EFCAB6: variants seen among roughly 807,000 people sequenced by gnomAD.
The protein encoded by EFCAB6 is EF-hand calcium binding domain 6, also known as EF-hand calcium-binding domain-containing protein 6.
EFCAB6 carries 156 observed loss-of-function variants against 169.8 expected under a neutral mutation model. That is an observed-to-expected ratio of 0.92 (90% CI 0.81 to 1.05). EFCAB6 has a LOEUF of 1.05. Among genes scored for constraint, EFCAB6 ranks in the 50% least tolerant of loss-of-function variants. EFCAB6 has a pLI of 0.00. For missense variants in EFCAB6, 1,800 were observed against 1,829.1 expected (o/e 0.98, Z 0.29); for synonymous variants, 698 against 676.4 (o/e 1.03, Z -0.50).
chr22:43,775,501 G>A (rs1014525276), intron 3 of EFCAB6, among the ~76,000 whole-genome samples: 1 of 152,098 alleles, frequency 6.6e-6, no homozygotes, highest in Admixed American at 6.5e-5. Flanking sequence ...GGAGTTCAGT[G>A]GCACAATCTT....
At chr22:43,615,062 G>A (rs1332598111) in intron 21 of EFCAB6, among the ~76,000 whole-genome samples, 1 of 152,226 alleles carries the variant, frequency 6.6e-6, no homozygotes, top group Non-Finnish European at 1.5e-5. Context: ...TTCACACTGG[G>A]CACAGGCCAA....
At position 43,556,264 on chromosome 22, in the gene EFCAB6, T is replaced by G. The variant is rs561295041; in HGVS notation, c.3421-1168A>C. Among the ~76,000 whole-genome samples the G allele has an allele frequency of 8.5e-5, 13 of 152,156 alleles. No individual in the cohort carries two copies. In the East Asian group the frequency reaches 2.3e-3, roughly 27 times the overall value. On this transcript the variant is annotated intron_variant, in intron 26 of 31. Coordinates refer to ENST00000262726, the MANE Select transcript of EFCAB6 (RefSeq NM_022785.4). ...GCCTGGGAAGCAGCTCTGACATGCATCTACTTGCTGAAATCAGAGGAAGGC... is the reference window on the plus strand; with the variant it reads ...GCCTGGGAAGCAGCTCTGACATGCAGCTACTTGCTGAAATCAGAGGAAGGC...
rs761410856 is a variant in EFCAB6, at chr22:43,537,532, G to A, written c.3893C>T (p.Thr1298Ile). Residue 1298 changes from threonine to isoleucine, a missense_variant, in exon 29 of 32, where the codon ACC becomes ATC. By Grantham distance (89) the Thr-to-Ile change is moderately conservative. Transcript: ENST00000262726. This position sits in a 1 kb window ranked among gnomAD's most constrained non-coding sequence, Gnocchi z 4.3. ...GGGTGGAGTGCCCGGGATCACGGTG[G>A]TGCTCGCTGGAGTCTAGCAGGGAAG... is the stretch of plus-strand genomic sequence containing the variant. ...SQSHPCTPAS[T>I]TVIPGTPPLQ... is the part of the protein sequence containing the mutation. The A allele has an allele frequency of 2.5e-6, 4 of 1,613,912 alleles. No homozygotes were observed. Among genetic ancestry groups the A allele is most frequent in the Admixed American group, 1.7e-5 (1 of 60,002 alleles).
chr22:43,796,291 C>T (rs1034731913), intron 2 of EFCAB6, among the ~76,000 whole-genome samples: 1 of 152,054 alleles, frequency 6.6e-6, no homozygotes, highest in Non-Finnish European at 1.5e-5. Context: ...GAGCCAGGGT[C>T]GGGTTTGATC....
At chr22:43,743,304 T>C (rs2060438974) in intron 6 of EFCAB6, among the ~76,000 whole-genome samples, 1 of 152,182 alleles carries the variant, frequency 6.6e-6, no homozygotes, top group Admixed American at 6.5e-5. Context: ...ATAACTGCTC[T>C]GGGCTGGAGC....
At chr22:43,625,259 A>G (rs1050354327) in intron 20 of EFCAB6, among the ~76,000 whole-genome samples, 1 of 152,086 alleles carries the variant, frequency 6.6e-6, no homozygotes, top group Non-Finnish European at 1.5e-5. Flanking sequence ...GGTAGATGCG[A>G]TACCTGTCTA....
chr22:43,743,904 G>A (rs2060461860), intron 6 of EFCAB6, among the ~76,000 whole-genome samples: 1 of 149,978 alleles, frequency 6.7e-6, no homozygotes, highest in Non-Finnish European at 1.5e-5. Context: ...GGATGGATGG[G>A]TGGGTGGGTG....
chr22:43,659,377 G>A (rs529959825), intron 17 of EFCAB6, among the ~76,000 whole-genome samples: 1 of 152,268 alleles, frequency 6.6e-6, no homozygotes, highest in East Asian at 1.9e-4. Context: ...ATTCAGCTGG[G>A]CATGGGCGTG....
intron 27 of EFCAB6, among the ~76,000 whole-genome samples, chr22:43,541,662 A>G (rs6519812): frequency 0.42 from 63,789 of 152,016 alleles, 13,710 homozygotes; most frequent in African/African-American, 0.51. Flanking sequence ...CCTCACCGGC[A>G]CCAAGTACAG....
intron 5 of EFCAB6, among the ~76,000 whole-genome samples, chr22:43,761,883 T>C (rs1389063144): frequency 6.6e-6 from 1 of 152,242 alleles, no homozygotes. Flanking sequence ...GTTCCAATAT[T>C]TCGAGTGTTT....
intron 8 of EFCAB6, among the ~76,000 whole-genome samples, chr22:43,725,778 A>G (rs1474349219): frequency 2.0e-5 from 3 of 152,144 alleles, no homozygotes; most frequent in African/African-American, 7.2e-5. Flanking sequence ...TAGTGTAGAG[A>G]TTTAATATTA....
chr22:43,660,962 G>C (rs2056972326), intron 17 of EFCAB6, among the ~76,000 whole-genome samples: 1 of 152,180 alleles, frequency 6.6e-6, no homozygotes, highest in Admixed American at 6.5e-5. Flanking sequence ...ATGAAGAAAA[G>C]GGAGAGGGGA....
chr22:43,536,468 G>C (rs1398547805), intron 29 of EFCAB6: 1 of 152,158 alleles, frequency 6.6e-6, no homozygotes, highest in Non-Finnish European at 1.5e-5. Context: ...CTGTATATTA[G>C]TCATGTGTTG....
At chr22:43,649,763 G>C (rs1026229812) in intron 17 of EFCAB6, among the ~76,000 whole-genome samples, 2 of 152,114 alleles carry the variant, frequency 1.3e-5, no homozygotes, top group African/African-American at 4.8e-5. Flanking sequence ...AGAGAGCTGC[G>C]GAGGCAACCA....
At chr22:43,556,546 C>T (rs2048718942) in intron 26 of EFCAB6, among the ~76,000 whole-genome samples, 1 of 152,136 alleles carries the variant, frequency 6.6e-6, no homozygotes, top group African/African-American at 2.4e-5. Context: ...AGGGTTTCAC[C>T]GGAGTATCAC....
chr22:43,536,141 A>G (rs1052390789), intron 29 of EFCAB6: 1 of 152,240 alleles, frequency 6.6e-6, no homozygotes, highest in Non-Finnish European at 1.5e-5. Flanking sequence ...CAGTAGCAAT[A>G]AGGACAGTAA....
rs1402322189 is a variant in EFCAB6 at position 43,632,233 on chromosome 22, G to A, written c.2104C>T (p.Pro702Ser). ...GGAGTGGTTTCCGGCCCTCTCATTG[G>A]AGGATCTGGAACAATTACAAAGATC... ...LDFAAGFEDP[P>S]MRGPETTPPQ... Residue 702 changes from proline to serine, a missense_variant, in exon 19 of 32, where the codon CCA (proline) becomes TCA (serine). By Grantham distance (74) the Pro-to-Ser change is moderately conservative. Transcript: ENST00000262726. The A allele has an allele frequency of 6.2e-7, 1 of 1,612,550 alleles. No homozygotes were observed. Among genetic ancestry groups the A allele is most frequent in the Non-Finnish European group, 8.5e-7 (1 of 1,179,480 alleles).
intron 20 of EFCAB6, 101 bp downstream of exon 20, chr22:43,626,346 T>C: frequency 1.7e-6 from 2 of 1,146,678 alleles, no homozygotes; most frequent in Non-Finnish European, 2.5e-6. Context: ...AAATAATCAC[T>C]CCATTCTTTG....
At position 43,572,678 on chromosome 22, in the gene EFCAB6, C is replaced by T. The variant is rs556225264; in HGVS notation, c.3420+3619G>A. Among the ~76,000 whole-genome samples the T allele has an allele frequency of 3.9e-5, 6 of 152,278 alleles. No individual in the cohort carries two copies. Among genetic ancestry groups the T allele is most frequent in the East Asian group, 1.9e-4 (1 of 5,176 alleles). On this transcript the variant is annotated intron_variant, in intron 26 of 31. Coordinates refer to ENST00000262726, the MANE Select transcript of EFCAB6 (RefSeq NM_022785.4). The surrounding 1 kb of genome is among the most constrained non-coding windows in gnomAD (Gnocchi z 4.0). ...ACTGCTCACTCCCTCCCCTCCTCGT[C>T]GCTCGGATGTCACCCCTCGACAGGC...
Sources: gnomAD v4.1 joint callset for allele counts (sites outside exome capture counted in the v4.1 genomes callset) on GRCh38, gnomAD v4.1.1 for gene constraint, Gnocchi (gnomAD v3.1) non-coding constraint, MANE v1.5 for transcripts, NCBI Gene and HGNC (gene_info 2026-07-23, HGNC 2026-07-21) for gene names.